CFAP58: variants seen among roughly 807,000 people sequenced by gnomAD.
CFAP58 encodes the protein cilia and flagella associated protein 58, also known as cilia- and flagella-associated protein 58.
In CFAP58, 88 loss-of-function variants were observed where a neutral mutation model predicts 119.5. That is an observed-to-expected ratio of 0.74 (90% CI 0.62 to 0.88). The LOEUF (loss-of-function observed/expected upper bound fraction) is 0.88, where lower values mean the gene tolerates loss of function less well. CFAP58 is among the 40% of genes least tolerant of loss of function. The pLI is 0.00. For synonymous variants in CFAP58, 365 were observed against 366.3 expected, an observed-to-expected ratio of 1.00 and a Z score of 0.04; for missense variants, 990 against 1,021.2, an observed-to-expected ratio of 0.97 and a Z score of 0.42.
At chr10:104,415,655 A>G (rs537590344) in intron 15 of CFAP58, among the ~76,000 whole-genome samples, 9 of 152,166 alleles carry the variant, frequency 5.9e-5, no homozygotes, top group Non-Finnish European at 7.3e-5. Context: ...CAGGGCACCA[A>G]AAATACCTGT....
chr10:104,353,917 A>C lies in CFAP58; in HGVS notation c.9+11A>C, dbSNP rs2014504168. 3 of 1,613,380 alleles carry C rather than the reference A, an allele frequency of 1.9e-6. No homozygotes were observed. Among genetic ancestry groups the C allele is most frequent in the Non-Finnish European group, 2.5e-6 (3 of 1,179,440 alleles). Reference sequence around the variant, plus strand: ...ATCAGGATGGCTGAGGTCAGGAGTCAGCGCCCCTCTGTCGCCTTTCCCTTG... The same window carrying C: ...ATCAGGATGGCTGAGGTCAGGAGTCCGCGCCCCTCTGTCGCCTTTCCCTTG... On this transcript the variant is annotated intron_variant, in intron 1 of 17. Transcript: ENST00000369704.
intron 15 of CFAP58, among the ~76,000 whole-genome samples, chr10:104,439,850 C>T (rs1454771390): frequency 1.3e-5 from 2 of 152,112 alleles, no homozygotes; most frequent in Non-Finnish European, 2.9e-5. Flanking sequence ...GACGGAGTCT[C>T]GCTCTGTGGC....
intron 15 of CFAP58, among the ~76,000 whole-genome samples, chr10:104,424,621 G>A (rs1407570892): frequency 2.0e-5 from 3 of 152,140 alleles, no homozygotes; most frequent in Admixed American, 1.3e-4. Flanking sequence ...ACTGATCTCC[G>A]TGAGCAGTGT....
chr10:104,386,597 C>T (rs1450763763), intron 9 of CFAP58, among the ~76,000 whole-genome samples: 3 of 152,086 alleles, frequency 2.0e-5, no homozygotes, highest in Non-Finnish European at 4.4e-5. Flanking sequence ...GGCCCGTGTG[C>T]ACGTAACTGT....
intron 12 of CFAP58, among the ~76,000 whole-genome samples, chr10:104,400,391 C>G (rs1307595312): frequency 6.6e-6 from 1 of 152,158 alleles, no homozygotes; most frequent in East Asian, 1.9e-4. Flanking sequence ...AAGTGATCTG[C>G]CTGCCTTGGC....
intron 8 of CFAP58, among the ~76,000 whole-genome samples, chr10:104,377,130 G>A (rs1031320721): frequency 6.6e-6 from 1 of 152,224 alleles, no homozygotes; most frequent in African/African-American, 2.4e-5. Flanking sequence ...TAGCATATAA[G>A]CCAGGAGGGG....
chr10:104,428,631 AAG>A (rs1348374951), intron 15 of CFAP58, among the ~76,000 whole-genome samples: 1 of 152,188 alleles, frequency 6.6e-6, no homozygotes, highest in African/African-American at 2.4e-5. Flanking sequence ...AAGCCCAGGA[AAG>A]AGAGACAAGG....
intron 1 of CFAP58, among the ~76,000 whole-genome samples, chr10:104,358,000 C>CACATATATGTACAT (rs2014607937): frequency 7.5e-6 from 1 of 133,226 alleles, no homozygotes; most frequent in East Asian, 2.2e-4. Flanking sequence ...TATATGTACA[C>CACATATATGTACAT]ATATATACAC....
chr10:104,370,004 T>A (rs550619435), intron 6 of CFAP58, among the ~76,000 whole-genome samples: 2 of 152,348 alleles, frequency 1.3e-5, no homozygotes, highest in African/African-American at 4.8e-5. Flanking sequence ...CTATTCATAC[T>A]ATGAAATATC....
At chr10:104,373,577 C>T (rs970368020) in intron 7 of CFAP58, among the ~76,000 whole-genome samples, 1 of 152,154 alleles carries the variant, frequency 6.6e-6, no homozygotes, top group African/African-American at 2.4e-5. Flanking sequence ...TCACTTGAGT[C>T]TAGGAGGTCA....
chr10:104,383,482 C>T (rs1328336065), intron 9 of CFAP58, among the ~76,000 whole-genome samples: 1 of 152,128 alleles, frequency 6.6e-6, no homozygotes, highest in Non-Finnish European at 1.5e-5. Context: ...GTATATATTT[C>T]TTGGCTTCCT....
At chr10:104,434,220 A>G (rs1280619255) in intron 15 of CFAP58, among the ~76,000 whole-genome samples, 3 of 152,180 alleles carry the variant, frequency 2.0e-5, no homozygotes, top group African/African-American at 7.2e-5. Context: ...CTATTATTAT[A>G]ATTACTATTT....
the CFAP58 span, among the ~76,000 whole-genome samples, chr10:104,340,772 C>A: frequency 1.3e-5 from 2 of 152,030 alleles, no homozygotes; most frequent in South Asian, 4.1e-4. Context: ...GGGGTGAGTA[C>A]CCACTCAGGG....
At chr10:104,406,385 CAT>C (rs1192125707) in intron 14 of CFAP58, among the ~76,000 whole-genome samples, 1 of 152,192 alleles carries the variant, frequency 6.6e-6, no homozygotes, top group African/African-American at 2.4e-5. Flanking sequence ...GGCAAAGAAT[CAT>C]ATATCAAGCA....
intron 8 of CFAP58, 85 bp downstream of exon 8, chr10:104,376,978 A>T (rs530060341): frequency 4.5e-5 from 48 of 1,067,754 alleles, no homozygotes. Context: ...ATGGGAAAAG[A>T]AAACTCCGAG....
intron 2 of CFAP58, among the ~76,000 whole-genome samples, chr10:104,359,952 C>G (rs1479978646): frequency 6.6e-6 from 1 of 152,148 alleles, no homozygotes; most frequent in Admixed American, 6.5e-5. Context: ...ATTTGTTTTG[C>G]TAAATATAGC....
chr10:104,422,804 G>A (rs963066359), intron 15 of CFAP58, among the ~76,000 whole-genome samples: 1 of 152,214 alleles, frequency 6.6e-6, no homozygotes, highest in East Asian at 1.9e-4. Flanking sequence ...TGTCCCATTA[G>A]CCAAAGCAAG....
intron 8 of CFAP58, among the ~76,000 whole-genome samples, chr10:104,379,249 A>C (rs2011732866): frequency 6.6e-6 from 1 of 152,190 alleles, no homozygotes. Context: ...ATATTTATAT[A>C]AATGGGATCA....
chr10:104,411,335 T>C (rs1163203025), intron 15 of CFAP58, among the ~76,000 whole-genome samples: 2 of 152,200 alleles, frequency 1.3e-5, no homozygotes, highest in Non-Finnish European at 2.9e-5. Flanking sequence ...TGCCTGGTTT[T>C]TGTTGATAGT....
Sources: gnomAD v4.1 joint callset for allele counts (sites outside exome capture counted in the v4.1 genomes callset) on GRCh38, gnomAD v4.1.1 for gene constraint, MANE v1.5 for transcripts, NCBI Gene and HGNC (gene_info 2026-07-23, HGNC 2026-07-21) for gene names.